ADCY7: variants seen among roughly 807,000 people sequenced by gnomAD.
The protein encoded by ADCY7 is adenylate cyclase 7, also known as adenylate cyclase type 7.
A neutral mutation model predicts 120.6 loss-of-function variants in ADCY7; 72 were observed. The observed-to-expected ratio is 0.60, with a 90% confidence interval of 0.49 to 0.73. ADCY7 has a LOEUF of 0.73. ADCY7 is among the 30% of genes least tolerant of loss of function. The probability of loss-of-function intolerance (pLI) is 0.00; values close to 1 mark genes in which losing one functional copy is unlikely to be tolerated. For synonymous variants in ADCY7, 661 were observed against 628.0 expected (o/e 1.05, Z -0.78); for missense variants, 1,227 against 1,486.0 (o/e 0.83, Z 2.87).
rs983672672 is a variant in ADCY7 at position 50,315,720 on chromosome 16, G to A, written c.*215G>A. ...CCATAATGCGCAGGGGAGGCCAGAA[G>A]CTCTGTGCCTGGTCTGTAACAGTTT... is the stretch of plus-strand genomic sequence containing the variant. On this transcript the variant is annotated 3_prime_UTR_variant, in exon 26 of 26. Transcript: ENST00000673801. 1.1e-5 allele frequency: 6 copies of A among 537,532 alleles called. No individual in the cohort carries two copies. The highest frequency in any genetic ancestry group is 3.2e-5 in the Admixed American group (1 of 31,670). 33.3% of individuals were successfully genotyped at this position (537,532 alleles called of 1,614,324 possible). A position where few individuals can be genotyped will look rare whatever the true frequency, so the allele number is the denominator to read the frequency against.
intron 24 of ADCY7, 125 bp from the exon 25 acceptor site, chr16:50,314,889 C>CAG: frequency 7.3e-7 from 1 of 1,371,628 alleles, no homozygotes; most frequent in Non-Finnish European, 9.9e-7. Context: ...GGAAGCAACC[C>CAG]AGCCTTCACT....
intron 1 of ADCY7, among the ~76,000 whole-genome samples, chr16:50,268,587 G>A (rs2033363703): frequency 6.6e-6 from 1 of 152,194 alleles, no homozygotes; most frequent in Non-Finnish European, 1.5e-5. Flanking sequence ...TTTCATGAAA[G>A]AAGCAGCTGT....
At chr16:50,270,557 G>T (rs1248249254) in intron 1 of ADCY7, among the ~76,000 whole-genome samples, 1 of 152,214 alleles carries the variant, frequency 6.6e-6, no homozygotes, top group East Asian at 1.9e-4. Flanking sequence ...CACAGCGGAG[G>T]CGCTACCTAA....
chr16:50,316,807 C>CG lies in ADCY7; in HGVS notation c.*1304dup, dbSNP rs1258825767. ...ACTTTTTCTGAATGGACTTCATAAC[C>CG]GGAAGACTTAACCGGTGGCCTCATC... On this transcript the variant is annotated 3_prime_UTR_variant, in exon 26 of 26. Transcript: ENST00000673801. 1 of 152,318 alleles carries CG rather than the reference C, an allele frequency of 6.6e-6. No homozygotes were observed. The highest frequency in any genetic ancestry group is 2.4e-5 in the African/African-American group (1 of 41,424). 9.4% of individuals were successfully genotyped at this position (152,318 alleles called of 1,614,324 possible). A position where few individuals can be genotyped will look rare whatever the true frequency, so the allele number is the denominator to read the frequency against.
intron 1 of ADCY7, among the ~76,000 whole-genome samples, chr16:50,285,623 C>T (rs780531086): frequency 6.6e-6 from 1 of 152,222 alleles, no homozygotes; most frequent in Non-Finnish European, 1.5e-5. Context: ...GTCTCACAGC[C>T]TCCCTGCCCT....
intron 13 of ADCY7, 55 bp from the exon 14 acceptor site, chr16:50,305,722 G>C (rs2151050194): frequency 9.8e-6 from 15 of 1,532,202 alleles, no homozygotes; most frequent in Non-Finnish European, 1.3e-5. Context: ...GCCACCTCCT[G>C]AGGGAATGGA....
chr16:50,298,262 A>G (rs7191958), intron 7 of ADCY7, among the ~76,000 whole-genome samples: 100,612 of 151,910 alleles, frequency 0.66, 34,157 homozygotes, highest in Middle Eastern at 0.8. Flanking sequence ...CCTCCTGGCT[A>G]CCTCGCAGTC....
At chr16:50,279,651 G>A (rs1213911617) in intron 1 of ADCY7, 1 of 152,160 alleles carries the variant, frequency 6.6e-6, no homozygotes, top group East Asian at 1.9e-4. Context: ...ATTCCCTCTT[G>A]GTACCTGGCC....
chr16:50,295,919 C>T (rs1209072453), intron 7 of ADCY7, among the ~76,000 whole-genome samples: 1 of 152,148 alleles, frequency 6.6e-6, no homozygotes, highest in Non-Finnish European at 1.5e-5. Context: ...GGCAGGCTTC[C>T]TGGAAGTGGT....
intron 1 of ADCY7, among the ~76,000 whole-genome samples, chr16:50,261,496 A>C (rs2033056569): frequency 6.6e-6 from 1 of 150,564 alleles, no homozygotes; most frequent in South Asian, 2.1e-4. Context: ...CAAGCCATGG[A>C]AGTTGTTTGA....
upstream of ADCY7, among the ~76,000 whole-genome samples, chr16:50,263,674 C>T (rs548657472): frequency 6.6e-6 from 1 of 152,170 alleles, no homozygotes; most frequent in East Asian, 1.9e-4. Context: ...CTACATGTGT[C>T]CTCTCCAAGC....
chr16:50,309,426 G>C, intron 17 of ADCY7, 122 bp from the exon 18 acceptor site: 1 of 771,070 alleles, frequency 1.3e-6, no homozygotes, highest in Non-Finnish European at 2.1e-6. Context: ...GCTCAGAGCT[G>C]ATCCCAACGT....
upstream of ADCY7, among the ~76,000 whole-genome samples, chr16:50,263,783 C>A (rs148760373): frequency 3.8e-4 from 58 of 152,022 alleles, no homozygotes; most frequent in African/African-American, 1.4e-3. Context: ...CCTCCTATGC[C>A]CCTTCCCCTT....
chr16:50,247,224 G>A (rs1232665210), intron 1 of ADCY7, among the ~76,000 whole-genome samples: 1 of 152,226 alleles, frequency 6.6e-6, no homozygotes, highest in African/African-American at 2.4e-5. Context: ...AAGGGAGTTT[G>A]TGGGCTGTGG....
intron 1 of ADCY7, among the ~76,000 whole-genome samples, chr16:50,284,667 G>A (rs2034472388): frequency 1.3e-5 from 2 of 152,266 alleles, no homozygotes; most frequent in Non-Finnish European, 2.9e-5. Context: ...CTGTTTGTGT[G>A]CTGTGGCATC....
chr16:50,292,971 C>A, intron 5 of ADCY7, 146 bp downstream of exon 5: 1 of 1,071,848 alleles, frequency 9.3e-7, no homozygotes, highest in Non-Finnish European at 1.3e-6. Flanking sequence ...TGGGCTCCAG[C>A]AGGGTAACCA....
intron 2 of ADCY7, among the ~76,000 whole-genome samples, chr16:50,290,074 G>A (rs1405518244): frequency 6.6e-6 from 1 of 152,256 alleles, no homozygotes; most frequent in Non-Finnish European, 1.5e-5. Context: ...CTGAGGGCCA[G>A]GCGCAGTGTC....
At position 50,277,086 on chromosome 16, in the gene ADCY7, A is replaced by G. The variant is rs74389713; in HGVS notation, c.-269+10406A>G. 1.0e-2 allele frequency among the ~76,000 whole-genome samples: 1,522 copies of G among 152,218 alleles called. 27 individuals carry two copies. The highest frequency in any genetic ancestry group is 0.035 in the African/African-American group (1,458 of 41,540). Reference sequence around the variant, plus strand: ...GGTTCCATCCTTATTTGTTCCAGGCATTGCCATGTGGATTTTTCACAGGAT... The same window carrying G: ...GGTTCCATCCTTATTTGTTCCAGGCGTTGCCATGTGGATTTTTCACAGGAT... On this transcript the variant is annotated intron_variant, in intron 1 of 25. Transcript: ENST00000673801.
chr16:50,313,471 T>C (rs1416103958), intron 22 of ADCY7: 3 of 187,034 alleles, frequency 1.6e-5, no homozygotes, highest in South Asian at 1.2e-4. Flanking sequence ...GGGGGGAACA[T>C]ACATTACACA....
Sources: allele counts gnomAD v4.1 joint callset (sites outside exome capture counted in the v4.1 genomes callset), GRCh38; gene constraint gnomAD v4.1.1; transcripts MANE v1.5; gene names NCBI Gene and HGNC (gene_info 2026-07-23, HGNC 2026-07-21).